RAPGEF6: variants seen among roughly 807,000 people sequenced by gnomAD.
RAPGEF6 encodes PDZ domain containing guanine nucleotide exchange factor (GEF) 2.
Under a neutral mutation model 171.4 loss-of-function variants are expected in RAPGEF6, and 56 were observed. The observed-to-expected ratio is 0.33, with a 90% confidence interval of 0.26 to 0.41. The LOEUF (loss-of-function observed/expected upper bound fraction) is 0.41, where lower values mean the gene tolerates loss of function less well. RAPGEF6 is among the 10% of genes least tolerant of loss of function. The pLI is 1.00. For missense variants in RAPGEF6, 1,674 were observed against 1,921.4 expected, an observed-to-expected ratio of 0.87 and a Z score of 2.41; for synonymous variants, 692 against 650.1, an observed-to-expected ratio of 1.06 and a Z score of -0.98.
chr5:131,551,469 G>C (rs1448607461), intron 5 of RAPGEF6, among the ~76,000 whole-genome samples: 2 of 146,474 alleles, frequency 1.4e-5, no homozygotes, highest in Admixed American at 1.4e-4. Context: ...CAGAGATCGT[G>C]TCACTGCACT....
At chr5:131,628,285 TTA>T (rs1491502413) in intron 1 of RAPGEF6, among the ~76,000 whole-genome samples, 3 of 138,694 alleles carry the variant, frequency 2.2e-5, no homozygotes, top group South Asian at 2.3e-4. Context: ...AAAAAATGAT[TTA>T]AAAAAAAAAA....
chr5:131,623,589 G>A (rs1291069645), intron 1 of RAPGEF6, among the ~76,000 whole-genome samples: 2 of 150,032 alleles, frequency 1.3e-5, no homozygotes, highest in South Asian at 2.1e-4. Context: ...GGGTTCAAGC[G>A]ACTCTTCTGC....
chr5:131,510,903 T>C (rs1391388972), intron 7 of RAPGEF6, among the ~76,000 whole-genome samples: 1 of 152,236 alleles, frequency 6.6e-6, no homozygotes, highest in Non-Finnish European at 1.5e-5. Context: ...GTGAAGAAGA[T>C]ACTGTTCTTT....
intron 17 of RAPGEF6, 175 bp from the exon 18 acceptor site, chr5:131,464,456 T>G (rs1754182881): frequency 9.3e-6 from 5 of 540,262 alleles, no homozygotes; most frequent in Non-Finnish European, 1.3e-5. Context: ...TTTTTTTTTT[T>G]CAGATAACAA....
At chr5:131,601,816 G>C (rs2150013412) in intron 3 of RAPGEF6, among the ~76,000 whole-genome samples, 1 of 152,122 alleles carries the variant, frequency 6.6e-6, no homozygotes, top group South Asian at 2.1e-4. Context: ...GGCAGATCAT[G>C]AGGTCAGGAG....
intron 24 of RAPGEF6, 98 bp from the exon 25 acceptor site, chr5:131,433,756 A>C: frequency 2.2e-6 from 2 of 917,256 alleles, no homozygotes; most frequent in Non-Finnish European, 1.6e-6. Flanking sequence ...CACAAAAATA[A>C]CAGAAGACAA....
intron 25 of RAPGEF6, 120 bp from the exon 26 acceptor site, chr5:131,431,469 T>C (rs1020294785): frequency 9.3e-7 from 1 of 1,072,278 alleles, no homozygotes; most frequent in African/African-American, 1.6e-5. Context: ...TCATGCCAAA[T>C]AACATCGTGA....
At chr5:131,598,354 A>C (rs1764026282) in intron 3 of RAPGEF6, among the ~76,000 whole-genome samples, 1 of 152,160 alleles carries the variant, frequency 6.6e-6, no homozygotes, top group African/African-American at 2.4e-5. Flanking sequence ...TAAAGCAGGA[A>C]GGAGGAAAGA....
chr5:131,628,983 G>T (rs1766119145), intron 1 of RAPGEF6, among the ~76,000 whole-genome samples: 1 of 152,184 alleles, frequency 6.6e-6, no homozygotes, highest in African/African-American at 2.4e-5. Context: ...TACACAAGGA[G>T]ATTAGTGATT....
intron 13 of RAPGEF6, 52 bp downstream of exon 13, chr5:131,495,501 G>T: frequency 7.0e-7 from 1 of 1,424,206 alleles, no homozygotes; most frequent in Non-Finnish European, 9.9e-7. Flanking sequence ...GTTTGCTAGT[G>T]TTGAGGGGGG....
At chr5:131,516,100 T>G (rs1758062140) in intron 7 of RAPGEF6, among the ~76,000 whole-genome samples, 3 of 76,644 alleles carry the variant, frequency 3.9e-5, no homozygotes, top group African/African-American at 5.2e-5. Flanking sequence ...TTTTTTTTTT[T>G]TTTTCTGTGA....
At chr5:131,547,380 G>GT (rs1760618131) in intron 6 of RAPGEF6, among the ~76,000 whole-genome samples, 1 of 152,036 alleles carries the variant, frequency 6.6e-6, no homozygotes, top group Non-Finnish European at 1.5e-5. Context: ...TTGGAAACTG[G>GT]TAACTATGAA....
intron 6 of RAPGEF6, among the ~76,000 whole-genome samples, chr5:131,528,504 CATT>C (rs1368020021): frequency 6.6e-6 from 1 of 150,588 alleles, no homozygotes; most frequent in African/African-American, 2.4e-5. Context: ...ATTCCTAACT[CATT>C]ATTTTTACCA....
intron 24 of RAPGEF6, chr5:131,436,296 G>A: frequency 1.3e-6 from 2 of 1,537,434 alleles, no homozygotes; most frequent in Non-Finnish European, 1.7e-6. Flanking sequence ...TAATCTGAAG[G>A]ATTTTCTTTT....
intron 1 of RAPGEF6, among the ~76,000 whole-genome samples, chr5:131,620,647 G>C (rs1327231788): frequency 6.6e-6 from 1 of 151,050 alleles, no homozygotes; most frequent in African/African-American, 2.4e-5. Context: ...CTGGAGTGCA[G>C]TGGCTGAATC....
rs558210947 is a variant in RAPGEF6, at chr5:131,627,995, T to TGGCTGTTCCACC, written c.69+6955_69+6966dup. ...GATGTATGTGTTCCAACTGTTCCAC[T>TGGCTGTTCCACC]GGCTGTTCCACCTTCTCTATCTCCC... On this transcript the variant is annotated intron_variant, in intron 1 of 27. Transcript: ENST00000509018. Among the ~76,000 whole-genome samples the TGGCTGTTCCACC allele has an allele frequency of 4.7e-3, 718 of 152,352 alleles. 4 individuals are homozygous for TGGCTGTTCCACC. Among genetic ancestry groups the TGGCTGTTCCACC allele is most frequent in the African/African-American group, 0.016 (681 of 41,574 alleles).
intron 1 of RAPGEF6, among the ~76,000 whole-genome samples, chr5:131,614,764 A>G (rs1765165050): frequency 6.6e-6 from 1 of 152,258 alleles, no homozygotes; most frequent in Admixed American, 6.5e-5. Context: ...TAGCAGTAGT[A>G]TCTACCAAAT....
At position 131,425,871 on chromosome 5, in the gene RAPGEF6, C is replaced by T. The variant is rs940371247; in HGVS notation, c.*1395G>A. Reference sequence around the variant, plus strand: ...GCTCCAAGTTGATCTGGGTAGTGCACGTTAATGGCTTTGGCTTTTTTTTTT... The same window carrying T: ...GCTCCAAGTTGATCTGGGTAGTGCATGTTAATGGCTTTGGCTTTTTTTTTT... On this transcript the variant is annotated 3_prime_UTR_variant, in exon 28 of 28. Coordinates refer to ENST00000509018, the MANE Select transcript of RAPGEF6 (RefSeq NM_016340.6). The T allele has an allele frequency of 3.8e-4, 49 of 128,870 alleles. No homozygotes were observed. The highest frequency in any genetic ancestry group is 1.4e-3 in the African/African-American group (46 of 32,580). The allele number at this position is 128,870 out of a possible 1,614,324, so 8.0% of individuals were successfully genotyped here. A position where few individuals can be genotyped will look rare whatever the true frequency, so the allele number is the denominator to read the frequency against.
chr5:131,481,346 C>A (rs905341594), intron 15 of RAPGEF6, among the ~76,000 whole-genome samples: 6 of 151,988 alleles, frequency 3.9e-5, no homozygotes, highest in Admixed American at 6.6e-5. Context: ...CCCACCTCAG[C>A]CTCTTGGAGC....
Sources: allele counts gnomAD v4.1 joint callset (sites outside exome capture counted in the v4.1 genomes callset), GRCh38; gene constraint gnomAD v4.1.1; transcripts MANE v1.5; gene names NCBI Gene and HGNC (gene_info 2026-07-23, HGNC 2026-07-21).